Variants in COX6B1 observed in about 807,000 individuals in gnomAD.
The protein encoded by COX6B1 is COX VIb-1.
A neutral mutation model predicts 14.0 loss-of-function variants in COX6B1; 2 were observed. The observed-to-expected ratio is 0.14, with a 90% confidence interval of 0.06 to 0.45. The LOEUF (loss-of-function observed/expected upper bound fraction) is 0.45, where lower values mean the gene tolerates loss of function less well. Ranked by LOEUF, COX6B1 falls within the 20% of genes least tolerant of loss-of-function variation. The probability of loss-of-function intolerance (pLI) is 0.98; values close to 1 mark genes in which losing one functional copy is unlikely to be tolerated. For missense variants in COX6B1, 81 were observed against 114.2 expected, an observed-to-expected ratio of 0.71 and a Z score of 1.33; for synonymous variants, 30 against 39.7, an observed-to-expected ratio of 0.76 and a Z score of 0.92.
At chr19:35,648,798 C>G (rs1471913708) in intron 1 of COX6B1, 1 of 529,618 alleles carries the variant, frequency 1.9e-6, no homozygotes, top group East Asian at 5.5e-5. Flanking sequence ...TTGCCTGGGC[C>G]GCAGCCTGGC....
In COX6B1 at chr19:35,654,650, G is replaced by C. The variant is rs1305358990; in HGVS notation, c.186G>C (p.Gln62His). The change falls in exon 3 of 4, where the codon CAG becomes CAC. Residue 62 changes from glutamine to histidine, a missense_variant. Gln to His is a conservative substitution (Grantham distance 24). Coordinates refer to ENST00000649813, the MANE Select transcript of COX6B1 (RefSeq NM_001863.5). ...GCGAATGGTACCAGCGTGTGTACCAGTCCCTCTGCCCCACATCCTGGGTAT... is the reference window on the plus strand; with the variant it reads ...GCGAATGGTACCAGCGTGTGTACCACTCCCTCTGCCCCACATCCTGGGTAT... ...SVCEWYQRVY[Q>H]SLCPTSWVTD... 1 of 1,614,140 alleles carries C rather than the reference G, an allele frequency of 6.2e-7. No individual in the cohort carries two copies. Among genetic ancestry groups the C allele is most frequent in the South Asian group, 1.1e-5 (1 of 91,080 alleles).
intron 2 of COX6B1, among the ~76,000 whole-genome samples, chr19:35,654,344 A>C (rs1967864315): frequency 6.6e-6 from 1 of 152,126 alleles, no homozygotes; most frequent in Non-Finnish European, 1.5e-5. Flanking sequence ...GTCTCTACTA[A>C]AAATACAAAA....
intron 3 of COX6B1, among the ~76,000 whole-genome samples, chr19:35,657,300 G>C (rs1967897732): frequency 6.6e-6 from 1 of 151,896 alleles, no homozygotes; most frequent in South Asian, 2.1e-4. Context: ...CACATGCGCA[G>C]TTCACAATAG....
At chr19:35,657,936 CG>C (rs1421420949) in intron 3 of COX6B1, among the ~76,000 whole-genome samples, 1 of 151,896 alleles carries the variant, frequency 6.6e-6, no homozygotes, top group Non-Finnish European at 1.5e-5. Context: ...GAATTATAGG[CG>C]TGAGCCACCA....
chr19:35,650,006 T>A (rs562107575), intron 1 of COX6B1, among the ~76,000 whole-genome samples: 1 of 86,536 alleles, frequency 1.2e-5, no homozygotes, highest in African/African-American at 4.9e-5. Context: ...CAAAATTGTA[T>A]TTTTTTTTTT....
chr19:35,658,500 T>C (rs571120065), intron 3 of COX6B1, 94 bp from the exon 4 acceptor site: 4 of 1,089,022 alleles, frequency 3.7e-6, no homozygotes, highest in South Asian at 1.3e-5. Context: ...CCTGTGGATA[T>C]TGGTTGAACA....
intron 1 of COX6B1, among the ~76,000 whole-genome samples, chr19:35,650,196 G>T (rs1364997863): frequency 1.3e-5 from 2 of 151,682 alleles, no homozygotes; most frequent in South Asian, 4.2e-4. Context: ...TAGAGCCAGG[G>T]TTTCACCATG....
In COX6B1 at chr19:35,658,708, C is replaced by G. The variant is rs577937635; in HGVS notation, c.*61C>G. 3.1e-5 allele frequency: 46 copies of G among 1,477,504 alleles called. 1 individual carries two copies. The East Asian group carries it at 1.0e-3, about 32-fold the overall frequency. The allele number at this position is 1,477,504 out of a possible 1,614,324, so 91.5% of individuals were successfully genotyped here. ...TTCTCCCAGGATGGTGAAGGGGGAC[C>G]TGGTACCCAGTGATCCCCACCCCAG... is the stretch of plus-strand genomic sequence containing the variant. On this transcript the variant is annotated 3_prime_UTR_variant, in exon 4 of 4. Coordinates refer to ENST00000649813, the MANE Select transcript of COX6B1 (RefSeq NM_001863.5).
At chr19:35,657,450 G>C (rs1463894009) in intron 3 of COX6B1, among the ~76,000 whole-genome samples, 4 of 152,058 alleles carry the variant, frequency 2.6e-5, no homozygotes, top group Middle Eastern at 3.4e-3. Context: ...TCCAGCTGTG[G>C]GGCCCAGTTC....
intron 2 of COX6B1, 141 bp downstream of exon 2, chr19:35,651,490 T>A: frequency 1.4e-6 from 1 of 708,686 alleles, no homozygotes; most frequent in Non-Finnish European, 2.6e-6. Context: ...TCACCTGCTG[T>A]TCAGGTCCAG....
At position 35,658,753 on chromosome 19, in the gene COX6B1, C is replaced by A; in HGVS notation, c.*106C>A. 2.9e-6 allele frequency: 3 copies of A among 1,026,196 alleles called. No homozygotes were observed. Among genetic ancestry groups the A allele is most frequent in the Admixed American group, 3.6e-5 (2 of 54,888 alleles). The allele number at this position is 1,026,196 out of a possible 1,614,324, so 63.6% of individuals were successfully genotyped here. ...CCCCAGGATCCTAAATCATGACTTA[C>A]CTGCTAATAAAAACTCATTGGAAAA... On this transcript the variant is annotated 3_prime_UTR_variant, in exon 4 of 4. Transcript: ENST00000649813.
intron 1 of COX6B1, among the ~76,000 whole-genome samples, chr19:35,649,905 A>G (rs887661652): frequency 6.6e-6 from 1 of 152,076 alleles, no homozygotes; most frequent in African/African-American, 2.4e-5. Flanking sequence ...TACAGGTGTG[A>G]ACCATTGTGC....
At chr19:35,650,538 C>G (rs1473658335) in intron 1 of COX6B1, among the ~76,000 whole-genome samples, 1 of 151,960 alleles carries the variant, frequency 6.6e-6, no homozygotes, top group African/African-American at 2.4e-5. Flanking sequence ...ATGGTAAAAC[C>G]TTGTCTAAAA....
chr19:35,656,369 A>G (rs190120559), intron 3 of COX6B1, among the ~76,000 whole-genome samples: 1 of 152,222 alleles, frequency 6.6e-6, no homozygotes, highest in Admixed American at 6.5e-5. Flanking sequence ...AACAATCTAT[A>G]TAGTAGGAGT....
At chr19:35,651,846 T>A (rs768766990) in intron 2 of COX6B1, among the ~76,000 whole-genome samples, 3 of 152,068 alleles carry the variant, frequency 2.0e-5, no homozygotes, top group Admixed American at 6.6e-5. Flanking sequence ...ATTATAGGTG[T>A]GAGCCACCGT....
At position 35,651,137 on chromosome 19, in the gene COX6B1, A is replaced by G. The variant is rs116268200; in HGVS notation, c.-11-96A>G. The G allele has an allele frequency of 3.0e-3, 2,370 of 783,012 alleles. 35 individuals are homozygous for G. The African/African-American group carries it at 0.031, about 10-fold the overall frequency. The allele number at this position is 783,012 out of a possible 1,614,324, so 48.5% of individuals were successfully genotyped here. On this transcript the variant is annotated intron_variant, in intron 1 of 3. Coordinates refer to ENST00000649813, the MANE Select transcript of COX6B1 (RefSeq NM_001863.5). ...GCAGGAACTTGTTCACACCCAGCCC[A>G]TTGTTCCGTGCCTGCCCTCTTCCAT...
At chr19:35,651,154 C>T (rs1047198662) in intron 1 of COX6B1, 79 bp from the exon 2 acceptor site, 1 of 856,208 alleles carries the variant, frequency 1.2e-6, no homozygotes, top group South Asian at 1.3e-5. Context: ...CGTGCCTGCC[C>T]TCTTCCATTG....
In COX6B1 at chr19:35,658,521, C is replaced by T. The variant is rs1599624304; in HGVS notation, c.208-73C>T. On this transcript the variant is annotated intron_variant, in intron 3 of 3. Coordinates refer to ENST00000649813, the MANE Select transcript of COX6B1 (RefSeq NM_001863.5). The stretch of plus-strand genomic sequence containing the variant: ...GATATTGGTTGAACAAACAGGTGGG[C>T]AAAGTGAGGAAGATAAGAAGTCCAT... 1.5e-5 allele frequency: 21 copies of T among 1,376,480 alleles called. No individual in the cohort carries two copies. The East Asian group carries it at 4.8e-4, about 32-fold the overall frequency. 85.3% of individuals were successfully genotyped at this position (1,376,480 alleles called of 1,614,324 possible). A position where few individuals can be genotyped will look rare whatever the true frequency, so the allele number is the denominator to read the frequency against.
chr19:35,657,706 G>C (rs1198722181), intron 3 of COX6B1, among the ~76,000 whole-genome samples: 1 of 146,774 alleles, frequency 6.8e-6, no homozygotes, highest in African/African-American at 2.5e-5. Flanking sequence ...CTGGAGTGCG[G>C]TGTGCAGTGG....
Sources: allele counts gnomAD v4.1 joint callset (sites outside exome capture counted in the v4.1 genomes callset), GRCh38; gene constraint gnomAD v4.1.1; transcripts MANE v1.5; gene names NCBI Gene and HGNC (gene_info 2026-07-23, HGNC 2026-07-21).